Variants in ADAM22 observed in about 807,000 individuals in gnomAD.
ADAM22 encodes the protein ADAM metallopeptidase domain 22, also known as disintegrin and metalloproteinase domain-containing protein 22.
A neutral mutation model predicts 144.6 loss-of-function variants in ADAM22; 65 were observed. The ratio of observed to expected loss-of-function variants is 0.45; its 90% confidence interval spans 0.37 to 0.55. The LOEUF is 0.55. Among genes scored for constraint, ADAM22 ranks in the 20% least tolerant of loss-of-function variants. The pLI, the probability that ADAM22 is intolerant of heterozygous loss-of-function variation, is 0.00. For synonymous variants in ADAM22, 391 were observed against 412.6 expected, an observed-to-expected ratio of 0.95 and a Z score of 0.63; for missense variants, 974 against 1,184.9, an observed-to-expected ratio of 0.82 and a Z score of 2.61.
intron 30 of ADAM22, among the ~76,000 whole-genome samples, chr7:88,192,020 G>C (rs916267136): frequency 2.6e-5 from 4 of 152,066 alleles, no homozygotes; most frequent in African/African-American, 9.7e-5. Context: ...AAACAAGGAA[G>C]GAAAAAAGAC....
intron 3 of ADAM22, among the ~76,000 whole-genome samples, chr7:88,016,947 G>A (rs1796672488): frequency 6.6e-6 from 1 of 152,042 alleles, no homozygotes; most frequent in Non-Finnish European, 1.5e-5. Context: ...CTGAGACCTT[G>A]TCGCTACAGA....
chr7:88,005,272 A>G (rs1249021772), intron 3 of ADAM22, among the ~76,000 whole-genome samples: 5 of 152,160 alleles, frequency 3.3e-5, no homozygotes, highest in Non-Finnish European at 5.9e-5. Context: ...ACTCTTTAAC[A>G]TACTGAAAAA....
intron 7 of ADAM22, among the ~76,000 whole-genome samples, chr7:88,124,448 G>A (rs898750460): frequency 4.0e-5 from 6 of 151,184 alleles, no homozygotes; most frequent in African/African-American, 1.5e-4. Flanking sequence ...TGTGATTAAT[G>A]TTTGTAAGGT....
At chr7:87,991,356 T>A (rs796429021) in intron 3 of ADAM22, among the ~76,000 whole-genome samples, 43 of 51,108 alleles carry the variant, frequency 8.4e-4, no homozygotes, top group African/African-American at 2.5e-3. Flanking sequence ...AGCCTTATTT[T>A]TTTTTTTTTT....
At chr7:88,025,070 A>C (rs923184256) in intron 3 of ADAM22, among the ~76,000 whole-genome samples, 2 of 152,154 alleles carry the variant, frequency 1.3e-5, no homozygotes, top group Non-Finnish European at 2.9e-5. Flanking sequence ...TATACCCAGT[A>C]ATGGGATGGC....
At chr7:88,122,558 C>G (rs1009356177) in intron 7 of ADAM22, among the ~76,000 whole-genome samples, 1 of 152,120 alleles carries the variant, frequency 6.6e-6, no homozygotes, top group Non-Finnish European at 1.5e-5. Flanking sequence ...CATTTCATCC[C>G]GTTATAGCAT....
In ADAM22 at chr7:88,117,755, G is replaced by A. The variant is rs184391300; in HGVS notation, c.607+941G>A. 5.7e-3 allele frequency among the ~76,000 whole-genome samples: 851 copies of A among 149,688 alleles called. 13 individuals carry two copies. Among genetic ancestry groups the A allele is most frequent in the African/African-American group, 0.017 (702 of 40,560 alleles). ...ATCGCCCAGGCTGGAATGCAGTGAC[G>A]CGACCTCAGCTCACTGCAACCTCCG... On this transcript the variant is annotated intron_variant, in intron 7 of 31. Coordinates refer to ENST00000413139, the MANE Select transcript of ADAM22 (RefSeq NM_001324418.2).
chr7:88,118,307 T>C (rs901335453), intron 7 of ADAM22, among the ~76,000 whole-genome samples: 2 of 152,186 alleles, frequency 1.3e-5, no homozygotes, highest in Non-Finnish European at 2.9e-5. Flanking sequence ...TCCTGTAATT[T>C]TCCTAAAGAG....
intron 23 of ADAM22, 134 bp from the exon 24 acceptor site, chr7:88,165,698 T>C: frequency 1.9e-6 from 1 of 513,680 alleles, no homozygotes; most frequent in Admixed American, 3.9e-5. Flanking sequence ...ATGTAATTAG[T>C]ATTAAGAAGA....
chr7:88,075,978 T>A (rs1339992664), intron 4 of ADAM22, among the ~76,000 whole-genome samples: 1 of 152,198 alleles, frequency 6.6e-6, no homozygotes, highest in Non-Finnish European at 1.5e-5. Context: ...TTTTTGTCGT[T>A]ACTTTTAATG....
chr7:87,998,072 T>A (rs1351690326), intron 3 of ADAM22, among the ~76,000 whole-genome samples: 3 of 152,134 alleles, frequency 2.0e-5, no homozygotes, highest in African/African-American at 7.2e-5. Context: ...TGGAGTTTGA[T>A]GTTTGAAGGC....
At chr7:88,011,327 G>A (rs1795330116) in intron 3 of ADAM22, among the ~76,000 whole-genome samples, 1 of 152,126 alleles carries the variant, frequency 6.6e-6, no homozygotes, top group South Asian at 2.1e-4. Context: ...GGATCACAAG[G>A]TCAGGAGATT....
At chr7:87,947,366 TA>T (rs1843946123) in intron 2 of ADAM22, among the ~76,000 whole-genome samples, 1 of 152,160 alleles carries the variant, frequency 6.6e-6, no homozygotes, top group Non-Finnish European at 1.5e-5. Flanking sequence ...CTTGGACAGA[TA>T]TTGAGTGATA....
At chr7:88,170,940 A>C (rs965426328) in intron 25 of ADAM22, among the ~76,000 whole-genome samples, 3 of 151,938 alleles carry the variant, frequency 2.0e-5, no homozygotes, top group African/African-American at 7.2e-5. Flanking sequence ...AAACACAGAG[A>C]CTAAACATTG....
At chr7:88,023,627 T>C (rs967613928) in intron 3 of ADAM22, among the ~76,000 whole-genome samples, 3 of 152,104 alleles carry the variant, frequency 2.0e-5, no homozygotes, top group African/African-American at 4.8e-5. Context: ...GCCATGCGGA[T>C]CAGGCTGGTC....
In ADAM22 at chr7:88,143,082, T is replaced by G; in HGVS notation, c.1277T>G (p.Leu426Arg). The G allele has an allele frequency of 3.7e-6, 6 of 1,612,878 alleles. No homozygotes were observed. Among genetic ancestry groups the G allele is most frequent in the Non-Finnish European group, 5.1e-6 (6 of 1,179,216 alleles). The change falls in exon 15 of 32, where the codon CTG becomes CGG. Residue 426 changes from leucine to arginine, a missense_variant. Transcript: ENST00000413139. The part of the protein sequence containing the change: ...QCNIEEYHDF[L>R]NSGGGACLFN... Reference sequence around the variant, plus strand: ...AATATTGAAGAGTATCATGACTTCCTGAATAGTGGAGGTGGTGCCTGCCTT... The same window carrying G: ...AATATTGAAGAGTATCATGACTTCCGGAATAGTGGAGGTGGTGCCTGCCTT...
rs548832208 is a variant in ADAM22 at position 88,084,019 on chromosome 7, G to C, written c.390+8327G>C. Among the ~76,000 whole-genome samples the C allele has an allele frequency of 6.6e-5, 10 of 152,180 alleles. No homozygotes were observed. The South Asian group carries it at 2.1e-3, about 32-fold the overall frequency. On this transcript the variant is annotated intron_variant, in intron 4 of 31. Coordinates refer to ENST00000413139, the MANE Select transcript of ADAM22 (RefSeq NM_001324418.2). ...TATGATAATGTTTTTCTGATGTAGA[G>C]TATCTCTTATTCCCTTGTTAAATTA...
chr7:87,996,361 C>T (rs1310787503), intron 3 of ADAM22, among the ~76,000 whole-genome samples: 1 of 152,190 alleles, frequency 6.6e-6, no homozygotes, highest in Non-Finnish European at 1.5e-5. Context: ...CTGATTCTGT[C>T]TTATTGAGGG....
At chr7:87,985,499 C>A (rs1247268576) in intron 3 of ADAM22, among the ~76,000 whole-genome samples, 1 of 151,990 alleles carries the variant, frequency 6.6e-6, no homozygotes, top group African/African-American at 2.4e-5. Context: ...TGGTCCCAGC[C>A]CAATGCAATC....
Sources: allele counts gnomAD v4.1 joint callset (sites outside exome capture counted in the v4.1 genomes callset), GRCh38; gene constraint gnomAD v4.1.1; transcripts MANE v1.5; gene names NCBI Gene and HGNC (gene_info 2026-07-23, HGNC 2026-07-21).